PTPRK: variants seen among roughly 807,000 people sequenced by gnomAD.
The protein encoded by PTPRK is receptor-type tyrosine-protein phosphatase kappa.
PTPRK carries 75 observed loss-of-function variants against 178.0 expected under a neutral mutation model. The observed-to-expected ratio is 0.42, with a 90% CI of 0.35 to 0.51. PTPRK has a LOEUF of 0.51. PTPRK is among the 20% of genes least tolerant of loss of function. PTPRK has a pLI of 0.02. For missense variants in PTPRK, 1,441 were observed against 1,797.8 expected (o/e 0.80, Z 3.59); for synonymous variants, 637 against 620.6 (o/e 1.03, Z -0.39).
intron 3 of PTPRK, among the ~76,000 whole-genome samples, chr6:128,291,822 C>T (rs528439095): frequency 2.0e-4 from 31 of 152,232 alleles, no homozygotes; most frequent in Admixed American, 2.0e-3. Context: ...TGTGTTCTTA[C>T]AGTCATCCCT....
intron 8 of PTPRK, among the ~76,000 whole-genome samples, chr6:128,084,423 A>T (rs1785381042): frequency 6.6e-6 from 1 of 152,172 alleles, no homozygotes; most frequent in Non-Finnish European, 1.5e-5. Context: ...AAGAGTTATT[A>T]CAGATGGATA....
Position 128,030,619 on chromosome 6 carries a change from G to A in PTPRK, c.2195-21351C>T, listed in dbSNP as rs542814910. Among the ~76,000 whole-genome samples the A allele has an allele frequency of 6.6e-5, 10 of 152,230 alleles. 1 individual carries two copies. Among genetic ancestry groups the A allele is most frequent in the East Asian group, 1.9e-4 (1 of 5,184 alleles). On this transcript the variant is annotated intron_variant, in intron 13 of 29. Coordinates refer to ENST00000368226, the MANE Select transcript of PTPRK (RefSeq NM_002844.4). ...TAATCTTATCAAAGCCTTTATATGC[G>A]TGACTCTGACTGAAAATGGAGGGCT...
At chr6:128,506,750 T>G (rs1313383958) in intron 1 of PTPRK, among the ~76,000 whole-genome samples, 2 of 151,810 alleles carry the variant, frequency 1.3e-5, no homozygotes, top group African/African-American at 4.8e-5. Context: ...TCATAAACAC[T>G]GGATTATATT....
chr6:128,234,857 C>T (rs978802666), intron 5 of PTPRK, among the ~76,000 whole-genome samples: 4 of 152,206 alleles, frequency 2.6e-5, no homozygotes, highest in African/African-American at 7.2e-5. Context: ...GGAACTGCTA[C>T]ACCATATGTT....
intron 7 of PTPRK, among the ~76,000 whole-genome samples, chr6:128,134,983 A>T (rs1001531295): frequency 6.6e-6 from 1 of 151,976 alleles, no homozygotes; most frequent in Non-Finnish European, 1.5e-5. Flanking sequence ...CAAGATTGCA[A>T]CATCCACTAT....
intron 22 of PTPRK, among the ~76,000 whole-genome samples, chr6:127,983,749 T>C (rs1775624263): frequency 1.3e-5 from 2 of 152,228 alleles, no homozygotes; most frequent in African/African-American, 2.4e-5. Flanking sequence ...TGAATATTTT[T>C]AGATTCATCT....
At chr6:128,160,510 C>T (rs1798559131) in intron 7 of PTPRK, among the ~76,000 whole-genome samples, 1 of 151,648 alleles carries the variant, frequency 6.6e-6, no homozygotes, top group South Asian at 2.1e-4. Context: ...AAGGAGTTTG[C>T]ACTCTTAACA....
At chr6:128,049,243 C>G (rs1778592710) in intron 13 of PTPRK, among the ~76,000 whole-genome samples, 1 of 152,062 alleles carries the variant, frequency 6.6e-6, no homozygotes. Flanking sequence ...TGCTAAGTAA[C>G]AAGGTTTGTT....
intron 3 of PTPRK, among the ~76,000 whole-genome samples, chr6:128,270,621 C>G (rs918542592): frequency 6.6e-6 from 1 of 152,090 alleles, no homozygotes; most frequent in Non-Finnish European, 1.5e-5. Context: ...TTTCCATATA[C>G]AATACAGATA....
At chr6:128,356,182 C>G (rs904531834) in intron 2 of PTPRK, among the ~76,000 whole-genome samples, 1 of 152,092 alleles carries the variant, frequency 6.6e-6, no homozygotes, top group African/African-American at 2.4e-5. Context: ...CAATTAAACC[C>G]CTCTTCTCCT....
chr6:128,197,145 C>T (rs919810988), intron 6 of PTPRK, among the ~76,000 whole-genome samples: 3 of 151,064 alleles, frequency 2.0e-5, no homozygotes, highest in Admixed American at 6.6e-5. Flanking sequence ...CCTGCTCCAG[C>T]GCCATACAAT....
At chr6:128,461,230 C>CTG (rs1293306227) in intron 1 of PTPRK, among the ~76,000 whole-genome samples, 1 of 141,078 alleles carries the variant, frequency 7.1e-6, no homozygotes, top group Admixed American at 7.0e-5. Flanking sequence ...TTTTGTTATT[C>CTG]CGTGTGTGTG....
chr6:128,498,144 T>A (rs1053349754), intron 1 of PTPRK, among the ~76,000 whole-genome samples: 5 of 152,174 alleles, frequency 3.3e-5, no homozygotes, highest in African/African-American at 9.7e-5. Context: ...CCTTTTTCTG[T>A]CAAGAATGTT....
At chr6:128,330,892 AAAC>A (rs771466493) in intron 2 of PTPRK, among the ~76,000 whole-genome samples, 1 of 151,900 alleles carries the variant, frequency 6.6e-6, no homozygotes, top group Non-Finnish European at 1.5e-5. Context: ...AAACAAAACA[AAAC>A]AAAACAAAAA....
intron 2 of PTPRK, among the ~76,000 whole-genome samples, chr6:128,346,410 T>C (rs1323611431): frequency 6.6e-6 from 1 of 152,116 alleles, no homozygotes; most frequent in African/African-American, 2.4e-5. Context: ...TTCTATGGTA[T>C]GATAAAATTT....
intron 7 of PTPRK, among the ~76,000 whole-genome samples, chr6:128,133,475 A>ACTTC (rs1794564257): frequency 2.0e-5 from 3 of 152,166 alleles, no homozygotes; most frequent in Admixed American, 6.5e-5. Flanking sequence ...TATCCATATG[A>ACTTC]AGTGGTTACA....
chr6:128,428,395 A>G (rs1308745164), intron 1 of PTPRK, among the ~76,000 whole-genome samples: 1 of 152,166 alleles, frequency 6.6e-6, no homozygotes, highest in Non-Finnish European at 1.5e-5. Flanking sequence ...TATTCTTTCA[A>G]CTGTTCAGTA....
At chr6:128,076,856 T>C (rs1390034218) in intron 11 of PTPRK, among the ~76,000 whole-genome samples, 1 of 152,070 alleles carries the variant, frequency 6.6e-6, no homozygotes, top group Non-Finnish European at 1.5e-5. Context: ...GCATCTCTGA[T>C]GGTCTATGAC....
At chr6:128,205,106 T>C (rs143532616) in intron 6 of PTPRK, among the ~76,000 whole-genome samples, 2 of 152,302 alleles carry the variant, frequency 1.3e-5, no homozygotes, top group African/African-American at 4.8e-5. Context: ...GACCATGTCC[T>C]TTGCAGGGAC....
Sources: gnomAD v4.1 joint callset for allele counts (sites outside exome capture counted in the v4.1 genomes callset) on GRCh38, gnomAD v4.1.1 for gene constraint, MANE v1.5 for transcripts, NCBI Gene and HGNC (gene_info 2026-07-23, HGNC 2026-07-21) for gene names.